The following KCNC2 variants were observed in gnomAD, a reference collection of about 807,000 sequenced individuals.
KCNC2 encodes the protein potassium voltage-gated channel subfamily C member 2.
Under a neutral mutation model 44.5 loss-of-function variants are expected in KCNC2, and 21 were observed. The ratio of observed to expected loss-of-function variants is 0.47; its 90% CI spans 0.33 to 0.68. KCNC2 has a LOEUF of 0.68. KCNC2 is among the 30% of genes least tolerant of loss of function. KCNC2 has a pLI of 0.01. For missense variants in KCNC2, 589 were observed against 826.2 expected, an observed-to-expected ratio of 0.71 and a Z score of 3.52; for synonymous variants, 391 against 339.1, an observed-to-expected ratio of 1.15 and a Z score of -1.68.
At chr12:75,138,698 G>C (rs184111149) in intron 2 of KCNC2, among the ~76,000 whole-genome samples, 1 of 151,946 alleles carries the variant, frequency 6.6e-6, no homozygotes, top group Non-Finnish European at 1.5e-5. Flanking sequence ...ACGGGATTCC[G>C]GGCTGGGCGC....
chr12:75,099,426 A>ACAGC (rs1353162696), intron 2 of KCNC2, among the ~76,000 whole-genome samples: 2 of 152,184 alleles, frequency 1.3e-5, no homozygotes, highest in Non-Finnish European at 1.5e-5. Flanking sequence ...ATTCTTGACC[A>ACAGC]CAGCCCTGTG....
intron 2 of KCNC2, among the ~76,000 whole-genome samples, chr12:75,155,824 C>A (rs965166830): frequency 6.6e-6 from 1 of 151,648 alleles, no homozygotes; most frequent in Non-Finnish European, 1.5e-5. Context: ...GCTTTAGATA[C>A]AGTTTATCAG....
At chr12:75,129,140 T>C (rs1888650921) in intron 2 of KCNC2, among the ~76,000 whole-genome samples, 1 of 152,186 alleles carries the variant, frequency 6.6e-6, no homozygotes, top group Non-Finnish European at 1.5e-5. Context: ...CTCAAGCTAC[T>C]GTCTTATAAA....
chr12:75,077,064 C>A (rs1884054397), intron 2 of KCNC2, among the ~76,000 whole-genome samples: 1 of 152,098 alleles, frequency 6.6e-6, no homozygotes, highest in Non-Finnish European at 1.5e-5. Flanking sequence ...ATGGTTACTA[C>A]AGTAAAGCAG....
intron 2 of KCNC2, among the ~76,000 whole-genome samples, chr12:75,063,914 T>C (rs769201732): frequency 2.6e-5 from 4 of 152,134 alleles, no homozygotes; most frequent in Non-Finnish European, 5.9e-5. Flanking sequence ...ATGTGTTAAC[T>C]TTCACAATCA....
chr12:75,159,091 G>A (rs1363803828), intron 2 of KCNC2, among the ~76,000 whole-genome samples: 1 of 148,922 alleles, frequency 6.7e-6, no homozygotes, highest in Non-Finnish European at 1.5e-5. Flanking sequence ...ACACAGGGAG[G>A]GGAACATCAC....
chr12:75,055,669 G>A (rs1881665322), intron 2 of KCNC2, among the ~76,000 whole-genome samples: 1 of 152,038 alleles, frequency 6.6e-6, no homozygotes, highest in South Asian at 2.1e-4. Flanking sequence ...AGTCTAATCA[G>A]TAGGCACATT....
rs917491392 is a variant in KCNC2, at chr12:75,043,800, C to T, written c.1781-559G>A. On this transcript the variant is annotated intron_variant, in intron 4 of 4. Transcript: ENST00000549446. ...TATCCAGGTGATGTAGGATGGAATGCCCATTTCTAATTCCTTGGGTAAGAA... is the reference window on the plus strand; with the variant it reads ...TATCCAGGTGATGTAGGATGGAATGTCCATTTCTAATTCCTTGGGTAAGAA... 7 of 1,490,070 alleles carry T rather than the reference C, an allele frequency of 4.7e-6. No individual in the cohort carries two copies. The African/African-American group carries it at 9.8e-5, about 21-fold the overall frequency. 92.3% of individuals were successfully genotyped at this position (1,490,070 alleles called of 1,614,324 possible).
intron 2 of KCNC2, among the ~76,000 whole-genome samples, chr12:75,159,233 C>T (rs1273491716): frequency 1.3e-5 from 2 of 151,528 alleles, no homozygotes; most frequent in Non-Finnish European, 2.9e-5. Flanking sequence ...CAAACCTGCA[C>T]ATTCTGCACA....
chr12:75,180,521 T>C (rs1393691965), intron 2 of KCNC2, among the ~76,000 whole-genome samples: 5 of 151,930 alleles, frequency 3.3e-5, no homozygotes, highest in Admixed American at 3.3e-4. Flanking sequence ...GTATTCCTTA[T>C]GATGTATATT....
chr12:75,156,249 ATTT>A (rs11411772), intron 2 of KCNC2, among the ~76,000 whole-genome samples: 1 of 149,396 alleles, frequency 6.7e-6, no homozygotes, highest in South Asian at 2.1e-4. Context: ...CTCTCGAAAC[ATTT>A]TTTTTTTGTA....
At chr12:75,205,839 GT>G (rs34832795) in intron 2 of KCNC2, among the ~76,000 whole-genome samples, 14,612 of 124,492 alleles carry the variant, frequency 0.12, 763 homozygotes, top group Admixed American at 0.16. Context: ...GTTGGTTTGG[GT>G]TTTTTTTTTT....
chr12:75,168,429 T>G (rs2137564425), intron 2 of KCNC2, among the ~76,000 whole-genome samples: 1 of 151,562 alleles, frequency 6.6e-6, no homozygotes, highest in African/African-American at 2.4e-5. Flanking sequence ...AGCTGGAAAG[T>G]AGGGCTGCCA....
chr12:75,191,523 T>TATC (rs1364687489), intron 2 of KCNC2, among the ~76,000 whole-genome samples: 4 of 55,446 alleles, frequency 7.2e-5, no homozygotes, highest in African/African-American at 3.1e-4. Flanking sequence ...TTATTATTAT[T>TATC]ATTATTTTTT....
chr12:75,170,809 AG>A (rs1891765118), intron 2 of KCNC2, among the ~76,000 whole-genome samples: 1 of 151,748 alleles, frequency 6.6e-6, no homozygotes, highest in African/African-American at 2.4e-5. Flanking sequence ...GTTATCTCAA[AG>A]CTTCTGCAAG....
intron 2 of KCNC2, among the ~76,000 whole-genome samples, chr12:75,185,472 A>C (rs1892875543): frequency 6.6e-6 from 1 of 151,988 alleles, no homozygotes; most frequent in Non-Finnish European, 1.5e-5. Context: ...CAGTTTCCTT[A>C]TTAAATATTG....
intron 2 of KCNC2, among the ~76,000 whole-genome samples, chr12:75,205,539 T>C (rs2137813330): frequency 6.6e-6 from 1 of 152,324 alleles, no homozygotes; most frequent in East Asian, 1.9e-4. Flanking sequence ...ATGGCAATGA[T>C]AAAAGTTGAA....
intron 2 of KCNC2, among the ~76,000 whole-genome samples, chr12:75,191,797 C>A (rs977268964): frequency 5.3e-5 from 8 of 151,796 alleles, no homozygotes; most frequent in Admixed American, 5.3e-4. Context: ...GATCCACCCG[C>A]CTCGGCCTCC....
intron 2 of KCNC2, among the ~76,000 whole-genome samples, chr12:75,125,328 A>T (rs1292023908): frequency 1.3e-5 from 2 of 149,918 alleles, no homozygotes; most frequent in Non-Finnish European, 3.0e-5. Context: ...TTTTGAAAAT[A>T]ATCTCTAGGT....
Sources: gnomAD v4.1 joint callset for allele counts (sites outside exome capture counted in the v4.1 genomes callset) on GRCh38, gnomAD v4.1.1 for gene constraint, MANE v1.5 for transcripts, NCBI Gene and HGNC (gene_info 2026-07-23, HGNC 2026-07-21) for gene names.